The following WDR4 variants were observed in gnomAD, a reference collection of about 807,000 sequenced individuals.
The protein encoded by WDR4 is WDR4 tRNA N7-guanosine methyltransferase non-catalytic subunit.
Under a neutral mutation model 48.6 loss-of-function variants are expected in WDR4, and 47 were observed. The observed-to-expected ratio is 0.97, with a 90% CI of 0.77 to 1.23. The LOEUF (loss-of-function observed/expected upper bound fraction) is 1.23, where lower values mean the gene tolerates loss of function less well. WDR4 is among the 50% of genes most tolerant of loss of function. The probability of loss-of-function intolerance (pLI) is 0.00; values close to 1 mark genes in which losing one functional copy is unlikely to be tolerated. For synonymous variants in WDR4, 268 were observed against 230.0 expected (o/e 1.17, Z -1.49); for missense variants, 606 against 551.6 (o/e 1.10, Z -0.99).
chr21:42,891,285 G>T, the WDR4 span, among the ~76,000 whole-genome samples: 51 of 149,744 alleles, frequency 3.4e-4, no homozygotes, highest in Non-Finnish European at 6.2e-4. Flanking sequence ...TTGCCCCTGC[G>T]CCACTGCACT....
chr21:42,855,127 C>CA lies in WDR4; in HGVS notation c.727-502dup, dbSNP rs11287027. 5.8e-3 allele frequency among the ~76,000 whole-genome samples: 747 copies of CA among 128,846 alleles called. 5 individuals are homozygous for CA. The highest frequency in any genetic ancestry group is 0.012 in the South Asian group (48 of 4,024). 84.5% of individuals were successfully genotyped at this position (128,846 alleles called of 152,430 possible). ...CCTGGGCAAGAGTGGGACTCCATCT[C>CA]AAAAAAAAAAAAAAAATTTTTTTTA... is the stretch of plus-strand genomic sequence containing the variant. On this transcript the variant is annotated intron_variant, in intron 7 of 10. Coordinates refer to ENST00000398208, the MANE Select transcript of WDR4 (RefSeq NM_018669.6).
chr21:42,864,122 A>AG (rs1448398309), intron 3 of WDR4, among the ~76,000 whole-genome samples: 2 of 146,468 alleles, frequency 1.4e-5, no homozygotes, highest in South Asian at 4.3e-4. Flanking sequence ...AAAAAAAAAA[A>AG]AAAAAAAAGA....
At chr21:42,887,191 C>T in the WDR4 span, among the ~76,000 whole-genome samples, 6 of 152,086 alleles carry the variant, frequency 3.9e-5, no homozygotes, top group African/African-American at 9.7e-5. Flanking sequence ...GGGGTTTCTC[C>T]GTGTTGGTCA....
chr21:42,889,830 C>T, the WDR4 span, among the ~76,000 whole-genome samples: 1 of 152,204 alleles, frequency 6.6e-6, no homozygotes, highest in Non-Finnish European at 1.5e-5. Context: ...TCACTGCAAC[C>T]TCGGCCTCCT....
At chr21:42,854,695 A>G in intron 7 of WDR4, 69 bp from the exon 8 acceptor site, 1 of 1,506,906 alleles carries the variant, frequency 6.6e-7, no homozygotes, top group Non-Finnish European at 9.0e-7. Context: ...CTCTGATCCA[A>G]CAAGAGCAAG....
downstream of WDR4, among the ~76,000 whole-genome samples, chr21:42,847,356 A>G (rs2057719723): frequency 6.6e-6 from 1 of 152,188 alleles, no homozygotes; most frequent in Non-Finnish European, 1.5e-5. Flanking sequence ...TATTTCTGGG[A>G]TGACTTCGGG....
intron 2 of WDR4, among the ~76,000 whole-genome samples, chr21:42,874,818 AATTTTGCCCCGGTCCTGTGGTCCTGCG>A (rs1281282677): frequency 1.3e-5 from 2 of 152,000 alleles, no homozygotes; most frequent in African/African-American, 4.8e-5. Context: ...TAGCAATTTT[AATTTTGCCCCGGTCCTGTGGTCCTGCG>A]ATCTCGCCCT....
chr21:42,875,826 T>C (rs1004697584), intron 2 of WDR4, among the ~76,000 whole-genome samples: 4 of 151,168 alleles, frequency 2.6e-5, no homozygotes, highest in African/African-American at 4.9e-5. Context: ...GTTAACTTCC[T>C]ACACCCGCCT....
At chr21:42,854,247 C>T (rs909798541) in intron 8 of WDR4, among the ~76,000 whole-genome samples, 2 of 152,238 alleles carry the variant, frequency 1.3e-5, no homozygotes, top group African/African-American at 4.8e-5. Flanking sequence ...CGACCAGCCC[C>T]GAGCCGGGAG....
At chr21:42,844,498 G>A (rs974754327), downstream of WDR4, among the ~76,000 whole-genome samples, 1 of 152,218 alleles carries the variant, frequency 6.6e-6, no homozygotes, top group Non-Finnish European at 1.5e-5. Flanking sequence ...GAGGCGCTGA[G>A]GCCTCGGGAG....
chr21:42,872,188 G>A (rs1481946620), intron 3 of WDR4, among the ~76,000 whole-genome samples: 3 of 151,996 alleles, frequency 2.0e-5, no homozygotes, highest in Non-Finnish European at 4.4e-5. Flanking sequence ...TTTGCCATGT[G>A]GGCCAGGCTA....
At chr21:42,885,239 T>C in the WDR4 span, among the ~76,000 whole-genome samples, 2 of 152,174 alleles carry the variant, frequency 1.3e-5, no homozygotes, top group Non-Finnish European at 2.9e-5. Flanking sequence ...TCCTCACATT[T>C]TCCCCCTTCT....
chr21:42,859,596 C>CGGG (rs2058069304), intron 6 of WDR4, 66 bp downstream of exon 6: 18 of 467,712 alleles, frequency 3.8e-5, no homozygotes, highest in Non-Finnish European at 7.1e-5. Context: ...GTCCAGGAGG[C>CGGG]GCCCACCCCA....
At chr21:42,881,506 T>C (rs571292879), upstream of WDR4, among the ~76,000 whole-genome samples, 1 of 152,356 alleles carries the variant, frequency 6.6e-6, no homozygotes, top group East Asian at 1.9e-4. Flanking sequence ...TATGATCTTT[T>C]TCAAGTCCCA....
Position 42,876,236 on chromosome 21 carries a change from C to T in WDR4, c.155+466G>A, listed in dbSNP as rs552813725. On this transcript the variant is annotated intron_variant, in intron 2 of 10. Transcript: ENST00000398208. ...CTGTACTCTTTTTTTTTTTGGGAGA[C>T]AGAGTCTTGCTCTATTCCCCAGGCT... 8.1e-4 allele frequency among the ~76,000 whole-genome samples: 24 copies of T among 29,464 alleles called. 2 individuals carry two copies. In the South Asian group the frequency reaches 9.5e-3, roughly 12 times the overall value. The allele number at this position is 29,464 out of a possible 152,430, so 19.3% of individuals were successfully genotyped here.
At chr21:42,887,374 A>C in the WDR4 span, among the ~76,000 whole-genome samples, 104 of 151,862 alleles carry the variant, frequency 6.8e-4, no homozygotes, top group African/African-American at 2.4e-3. Context: ...CCAGGGCTCA[A>C]GCAATCCTCC....
chr21:42,881,635 T>C (rs1358057292), upstream of WDR4, among the ~76,000 whole-genome samples: 1 of 152,134 alleles, frequency 6.6e-6, no homozygotes, highest in East Asian at 1.9e-4. Context: ...TTCCTCACCA[T>C]TGTTCCAGTG....
chr21:42,863,248 C>T lies in WDR4; in HGVS notation c.453+192G>A, dbSNP rs145631424. On this transcript the variant is annotated intron_variant, in intron 4 of 10. Transcript: ENST00000398208. ...ATTCTCCCCACCAAACGCTGGGGCACAGACCGGGCAGACGTTGATTCAGCC... is the reference window on the plus strand; with the variant it reads ...ATTCTCCCCACCAAACGCTGGGGCATAGACCGGGCAGACGTTGATTCAGCC... Among the ~76,000 whole-genome samples the T allele has an allele frequency of 2.6e-4, 39 of 152,354 alleles. No homozygotes were observed. The East Asian group carries it at 6.7e-3, about 26-fold the overall frequency.
At chr21:42,845,768 T>C (rs1385498640), downstream of WDR4, among the ~76,000 whole-genome samples, 2 of 152,140 alleles carry the variant, frequency 1.3e-5, no homozygotes, top group Admixed American at 1.3e-4. Context: ...TTCTAAGAAA[T>C]GTGCATAACT....
Sources: allele counts gnomAD v4.1 joint callset (sites outside exome capture counted in the v4.1 genomes callset), GRCh38; gene constraint gnomAD v4.1.1; transcripts MANE v1.5; gene names NCBI Gene and HGNC (gene_info 2026-07-23, HGNC 2026-07-21).